Variants in AXIN1 observed in about 807,000 individuals in gnomAD.
AXIN1 encodes the protein axin-1.
Under a neutral mutation model 76.4 loss-of-function variants are expected in AXIN1, and 30 were observed. The ratio of observed to expected loss-of-function variants is 0.39; its 90% CI spans 0.29 to 0.53. The LOEUF (loss-of-function observed/expected upper bound fraction) is 0.53. Among genes scored for constraint, AXIN1 ranks in the 20% least tolerant of loss-of-function variants. The pLI, the probability that AXIN1 is intolerant of heterozygous loss-of-function variation, is 0.66. For synonymous variants in AXIN1, 545 were observed against 501.4 expected (o/e 1.09, Z -1.16); for missense variants, 1,140 against 1,198.8 (o/e 0.95, Z 0.72).
intron 1 of AXIN1, among the ~76,000 whole-genome samples, chr16:348,773 C>T (rs925985772): frequency 6.6e-6 from 1 of 152,072 alleles, no homozygotes; most frequent in Non-Finnish European, 1.5e-5. Context: ...CACTGCACTC[C>T]AGCCTGGGCA....
chr16:315,357 T>C (rs1038542219), intron 2 of AXIN1, among the ~76,000 whole-genome samples: 8 of 152,258 alleles, frequency 5.3e-5, no homozygotes, highest in Admixed American at 2.0e-4. Flanking sequence ...TCTGTTCATA[T>C]GGTTTACCAT....
chr16:351,768 T>A (rs12927169), intron 1 of AXIN1, among the ~76,000 whole-genome samples: 2 of 151,942 alleles, frequency 1.3e-5, no homozygotes, highest in African/African-American at 2.4e-5. Context: ...ATATATCTTA[T>A]AGATGGGCTG....
intron 2 of AXIN1, among the ~76,000 whole-genome samples, chr16:335,042 A>C (rs1367424103): frequency 6.6e-6 from 1 of 151,956 alleles, no homozygotes; most frequent in Non-Finnish European, 1.5e-5. Context: ...TCTACAAAAC[A>C]CTCCCATTGG....
chr16:289,963 A>C, intron 9 of AXIN1: 1 of 406,040 alleles, frequency 2.5e-6, no homozygotes, highest in Non-Finnish European at 4.6e-6. Flanking sequence ...CAAACCTTAA[A>C]AACATCTGAA....
intron 2 of AXIN1, among the ~76,000 whole-genome samples, chr16:323,435 T>C (rs1219830926): frequency 1.1e-5 from 1 of 89,866 alleles, no homozygotes; most frequent in East Asian, 2.7e-4. Context: ...CGAGACTCCG[T>C]CTCAAAAAAA....
At chr16:311,496 G>A (rs1249278747) in intron 3 of AXIN1, among the ~76,000 whole-genome samples, 1 of 151,670 alleles carries the variant, frequency 6.6e-6, no homozygotes, top group Non-Finnish European at 1.5e-5. Flanking sequence ...TTCGGGCTGG[G>A]CGCAGTGGCT....
intron 2 of AXIN1, among the ~76,000 whole-genome samples, chr16:337,819 A>G (rs1246758578): frequency 6.6e-6 from 1 of 152,252 alleles, no homozygotes; most frequent in Non-Finnish European, 1.5e-5. Flanking sequence ...TCTGGGCCCT[A>G]TGGGCACTCA....
intron 2 of AXIN1, among the ~76,000 whole-genome samples, chr16:339,979 C>A (rs2053883501): frequency 6.6e-6 from 1 of 152,204 alleles, no homozygotes; most frequent in Admixed American, 6.5e-5. Flanking sequence ...ACATGGAAAC[C>A]CAAAACCACT....
intron 2 of AXIN1, among the ~76,000 whole-genome samples, chr16:324,148 C>T (rs1050441588): frequency 4.1e-5 from 6 of 145,482 alleles, no homozygotes; most frequent in African/African-American, 1.6e-4. Context: ...CAGCAGCCTC[C>T]ATGAGGGGCA....
At chr16:331,606 C>G (rs569162897) in intron 2 of AXIN1, among the ~76,000 whole-genome samples, 1 of 152,208 alleles carries the variant, frequency 6.6e-6, no homozygotes, top group Non-Finnish European at 1.5e-5. Context: ...CTCCTATCAG[C>G]GTATAGAATG....
At chr16:320,479 T>A (rs963028391) in intron 2 of AXIN1, among the ~76,000 whole-genome samples, 1 of 151,958 alleles carries the variant, frequency 6.6e-6, no homozygotes, top group Non-Finnish European at 1.5e-5. Flanking sequence ...TACACAAAAT[T>A]ATGATGCTTC....
chr16:342,469 G>A (rs893324136), intron 2 of AXIN1, among the ~76,000 whole-genome samples: 1 of 152,172 alleles, frequency 6.6e-6, no homozygotes, highest in African/African-American at 2.4e-5. Context: ...TGCTGTGGTA[G>A]CAATGCTCAC....
intron 3 of AXIN1, among the ~76,000 whole-genome samples, chr16:313,177 C>T (rs1049319786): frequency 1.9e-4 from 29 of 152,314 alleles, no homozygotes; most frequent in African/African-American, 6.5e-4. Context: ...TGGTGGCGCA[C>T]GCTTGTAGCC....
intron 2 of AXIN1, among the ~76,000 whole-genome samples, chr16:325,537 C>T (rs960504653): frequency 2.6e-5 from 4 of 152,248 alleles, no homozygotes; most frequent in South Asian, 2.1e-4. Context: ...CAGCGCCCTC[C>T]CCACGTCTCG....
Position 340,327 on chromosome 16 carries a change from TG to T in AXIN1, c.878+5820del, listed in dbSNP as rs571157473. Among the ~76,000 whole-genome samples, 33 of 152,306 alleles carry T rather than the reference TG, an allele frequency of 2.2e-4. No homozygotes were observed. The South Asian group carries it at 6.8e-3, about 32-fold the overall frequency. ...CCAGCCCTATCCACAAGTGCATCAC[TG>T]GACTGGCCCGGGAAGACACACGAAA... On this transcript the variant is annotated intron_variant, in intron 2 of 10. Transcript: ENST00000262320.
chr16:293,692 G>T lies in AXIN1; in HGVS notation c.1982C>A (p.Pro661His), dbSNP rs753348948. 23 of 1,613,630 alleles carry T rather than the reference G, an allele frequency of 1.4e-5. No homozygotes were observed. Among genetic ancestry groups the T allele is most frequent in the Non-Finnish European group, 1.9e-5 (23 of 1,180,024 alleles). ...GGACAAGGGTCTGGAGTTCTCATGG[G>T]GCTGTGGCTTCCTCGTCCCCGAAGA... is the stretch of plus-strand genomic sequence containing the variant. ...HGSSGTRKPQ[P>H]HENSRPLSLE... is the part of the protein sequence containing the mutation. The change falls in exon 8 of 11, where the codon CCC becomes CAC. Residue 661 changes from proline to histidine, a missense_variant. Pro to His is a moderately conservative substitution (Grantham distance 77). This residue lies in a region of AXIN1 where 429 missense variants were observed against 405.8 expected (regional missense o/e 1.06). Transcript: ENST00000262320. This position sits in a 1 kb window ranked among gnomAD's most constrained non-coding sequence, Gnocchi z 4.6.
Position 293,351 on chromosome 16 carries a change from G to A in AXIN1, c.2186+137C>T. The A allele has an allele frequency of 1.2e-6, 1 of 862,542 alleles. No homozygotes were observed. The highest frequency in any genetic ancestry group is 1.6e-5 in the South Asian group (1 of 61,798). 53.4% of individuals were successfully genotyped at this position (862,542 alleles called of 1,614,324 possible). A position where few individuals can be genotyped will look rare whatever the true frequency, so the allele number is the denominator to read the frequency against. On this transcript the variant is annotated intron_variant, in intron 8 of 10. Transcript: ENST00000262320. This position sits in a 1 kb window ranked among gnomAD's most constrained non-coding sequence, Gnocchi z 4.6. ...GGCCCCTCAGTGGTTCTCAGTGGAT[G>A]GAAGGGCCCAGTATGGCTGGGGGAC...
chr16:301,709 G>A (rs999797977), intron 5 of AXIN1, among the ~76,000 whole-genome samples: 8 of 152,148 alleles, frequency 5.3e-5, no homozygotes, highest in South Asian at 2.1e-4. Context: ...GGGTGAAGGC[G>A]CAAAGATCAG....
At chr16:318,552 C>T (rs1042035079) in intron 2 of AXIN1, among the ~76,000 whole-genome samples, 16 of 152,160 alleles carry the variant, frequency 1.1e-4, no homozygotes, top group African/African-American at 3.1e-4. Flanking sequence ...CCAGCAGATG[C>T]GACCAAGAAC....
Sources: gnomAD v4.1 joint callset for allele counts (sites outside exome capture counted in the v4.1 genomes callset) on GRCh38, gnomAD v4.1.1 for gene constraint, gnomAD v4.1.1 regional missense constraint, Gnocchi (gnomAD v3.1) non-coding constraint, MANE v1.5 for transcripts, NCBI Gene and HGNC (gene_info 2026-07-23, HGNC 2026-07-21) for gene names.